LRFN2: variants seen among roughly 807,000 people sequenced by gnomAD.
The protein encoded by LRFN2 is leucine-rich repeat and fibronectin type-III domain-containing protein 2.
A neutral mutation model predicts 37.3 loss-of-function variants in LRFN2; 18 were observed. That is an observed-to-expected ratio of 0.48 (90% CI 0.33 to 0.72). LRFN2 has a LOEUF of 0.72. LRFN2 is among the 30% of genes least tolerant of loss of function. The probability of loss-of-function intolerance (pLI) is 0.02; values close to 1 mark genes in which losing one functional copy is unlikely to be tolerated. For missense variants in LRFN2, 1,006 were observed against 1,060.7 expected (o/e 0.95, Z 0.72); for synonymous variants, 556 against 466.6 (o/e 1.19, Z -2.47).
At chr6:40,572,893 A>T (rs1767212548) in intron 1 of LRFN2, among the ~76,000 whole-genome samples, 1 of 152,168 alleles carries the variant, frequency 6.6e-6, no homozygotes, top group Admixed American at 6.5e-5. Context: ...TGCTGGGGGA[A>T]GGATCGGATA....
intron 1 of LRFN2, among the ~76,000 whole-genome samples, chr6:40,522,673 G>A (rs1766117316): frequency 6.6e-6 from 1 of 152,148 alleles, no homozygotes; most frequent in African/African-American, 2.4e-5. Context: ...GAATTCCAGG[G>A]CCCTGGCCTG....
intron 2 of LRFN2, among the ~76,000 whole-genome samples, chr6:40,421,761 A>G (rs1293869300): frequency 6.6e-6 from 1 of 152,136 alleles, no homozygotes; most frequent in Non-Finnish European, 1.5e-5. Context: ...GACTGAATGG[A>G]GGGGTTCATT....
At chr6:40,409,461 GC>G (rs1222327097) in intron 2 of LRFN2, among the ~76,000 whole-genome samples, 5 of 152,162 alleles carry the variant, frequency 3.3e-5, no homozygotes, top group African/African-American at 1.2e-4. Flanking sequence ...TACAGAGTAT[GC>G]TGCTGAGAGT....
chr6:40,533,372 A>ACAC (rs1766386341), intron 1 of LRFN2, among the ~76,000 whole-genome samples: 3 of 115,724 alleles, frequency 2.6e-5, no homozygotes, highest in African/African-American at 4.4e-5. Flanking sequence ...TCTCTTGCTC[A>ACAC]AAACACACAC....
intron 1 of LRFN2, among the ~76,000 whole-genome samples, chr6:40,490,074 G>T (rs989762417): frequency 1.3e-5 from 2 of 152,152 alleles, no homozygotes; most frequent in African/African-American, 2.4e-5. Context: ...AGCTCCAGGG[G>T]GAAGAAGGGC....
At chr6:40,439,762 C>G (rs1158456114) in intron 1 of LRFN2, among the ~76,000 whole-genome samples, 1 of 152,194 alleles carries the variant, frequency 6.6e-6, no homozygotes, top group Non-Finnish European at 1.5e-5. Flanking sequence ...TGAGAAGAGG[C>G]AGCAGAAGCA....
chr6:40,559,272 G>C (rs1490634982), intron 1 of LRFN2, among the ~76,000 whole-genome samples: 6 of 152,188 alleles, frequency 3.9e-5, no homozygotes, highest in Admixed American at 3.9e-4. Flanking sequence ...TGATGACGCT[G>C]TAAATCAGGG....
intron 1 of LRFN2, among the ~76,000 whole-genome samples, chr6:40,547,808 G>A (rs1261243554): frequency 1.3e-5 from 2 of 152,142 alleles, no homozygotes; most frequent in South Asian, 2.1e-4. Context: ...TGGGGTCCAG[G>A]AACTACTGCC....
chr6:40,486,708 GT>G (rs1254238016), intron 1 of LRFN2, among the ~76,000 whole-genome samples: 9 of 152,292 alleles, frequency 5.9e-5, no homozygotes, highest in African/African-American at 2.2e-4. Flanking sequence ...ATGGCACTAA[GT>G]TTTTTGAGGG....
intron 1 of LRFN2, among the ~76,000 whole-genome samples, chr6:40,527,666 TA>T (rs1202952420): frequency 5.3e-5 from 8 of 152,214 alleles, no homozygotes; most frequent in African/African-American, 1.7e-4. Context: ...TGTGAGTGAT[TA>T]AGGAGAAAGG....
intron 1 of LRFN2, among the ~76,000 whole-genome samples, chr6:40,516,860 G>C (rs1231438539): frequency 1.3e-5 from 2 of 152,144 alleles, no homozygotes; most frequent in African/African-American, 4.8e-5. Flanking sequence ...ATCTAAGAAA[G>C]GGGCAGAAAA....
At chr6:40,557,323 T>A (rs1766909157) in intron 1 of LRFN2, among the ~76,000 whole-genome samples, 3 of 152,076 alleles carry the variant, frequency 2.0e-5, no homozygotes, top group Admixed American at 2.0e-4. Flanking sequence ...AGCATAAAGG[T>A]CAGAAAAATA....
At chr6:40,525,545 C>T (rs190756773) in intron 1 of LRFN2, among the ~76,000 whole-genome samples, 8 of 152,342 alleles carry the variant, frequency 5.3e-5, no homozygotes, top group Admixed American at 5.2e-4. Flanking sequence ...TGCAATCTCT[C>T]AATCTACTTG....
intron 1 of LRFN2, among the ~76,000 whole-genome samples, chr6:40,577,821 A>T (rs1354179666): frequency 1.9e-5 from 2 of 103,240 alleles, no homozygotes; most frequent in Non-Finnish European, 4.2e-5. Context: ...AAATTAAAAA[A>T]AATAAAAATA....
At chr6:40,542,176 C>T (rs991820416) in intron 1 of LRFN2, among the ~76,000 whole-genome samples, 6 of 152,196 alleles carry the variant, frequency 3.9e-5, no homozygotes, top group African/African-American at 1.4e-4. Context: ...GGTGTACTGG[C>T]ATCAACTCTG....
intron 2 of LRFN2, among the ~76,000 whole-genome samples, chr6:40,428,188 T>TTGC (rs1404995892): frequency 2.0e-5 from 3 of 152,252 alleles, no homozygotes; most frequent in Admixed American, 1.3e-4. Flanking sequence ...ATTGCTGCTG[T>TTGC]TGCTGCTGCT....
rs190385225 is a variant in LRFN2, at chr6:40,556,420, G to A, written c.-19+30521C>T. Among the ~76,000 whole-genome samples the A allele has an allele frequency of 5.3e-5, 8 of 152,264 alleles. No homozygotes were observed. In the East Asian group the frequency reaches 1.5e-3, roughly 29 times the overall value. On this transcript the variant is annotated intron_variant, in intron 1 of 2. Coordinates refer to ENST00000338305, the MANE Select transcript of LRFN2 (RefSeq NM_020737.3). ...GGGCACAGAGCAGTGAGGATAAGGG[G>A]CATGAAGCCCCACCTGCACTTCTGA... is the stretch of plus-strand genomic sequence containing the variant.
At chr6:40,417,587 C>A (rs1417907069) in intron 2 of LRFN2, among the ~76,000 whole-genome samples, 1 of 152,138 alleles carries the variant, frequency 6.6e-6, no homozygotes, top group Non-Finnish European at 1.5e-5. Context: ...GTGGGGAATG[C>A]TGACAGAGGA....
intron 1 of LRFN2, among the ~76,000 whole-genome samples, chr6:40,545,509 C>T (rs930327214): frequency 2.0e-5 from 3 of 152,172 alleles, no homozygotes; most frequent in Non-Finnish European, 4.4e-5. Flanking sequence ...CTGGGCCAAC[C>T]CCTGGAGCAT....
Sources: gnomAD v4.1 joint callset for allele counts (sites outside exome capture counted in the v4.1 genomes callset) on GRCh38, gnomAD v4.1.1 for gene constraint, MANE v1.5 for transcripts, NCBI Gene and HGNC (gene_info 2026-07-23, HGNC 2026-07-21) for gene names.